Variants in DCHS2 observed in about 807,000 individuals in gnomAD.
DCHS2 encodes protocadherin-23.
A neutral mutation model predicts 182.4 loss-of-function variants in DCHS2; 142 were observed. That is an observed-to-expected ratio of 0.78 (90% CI 0.68 to 0.89). The LOEUF (loss-of-function observed/expected upper bound fraction) is 0.89, where lower values mean the gene tolerates loss of function less well. DCHS2 is among the 40% of genes least tolerant of loss of function. The pLI, the probability that DCHS2 is intolerant of heterozygous loss-of-function variation, is 0.00. For missense variants in DCHS2, 4,319 were observed against 4,198.6 expected (o/e 1.03, Z -0.79); for synonymous variants, 1,740 against 1,663.3 (o/e 1.05, Z -1.12).
At chr4:154,304,900 G>T (rs1735383879) in intron 11 of DCHS2, 22 bp from the exon 12 acceptor site, 3 of 1,585,878 alleles carry the variant, frequency 1.9e-6, no homozygotes, top group Non-Finnish European at 2.6e-6. Flanking sequence ...CACAAAGACG[G>T]TATGAATTGT....
At chr4:154,241,272 C>T (rs968260091) in intron 17 of DCHS2, among the ~76,000 whole-genome samples, 1 of 151,962 alleles carries the variant, frequency 6.6e-6, no homozygotes, top group Non-Finnish European at 1.5e-5. Flanking sequence ...CACTAATGTC[C>T]GAATTAGATA....
Position 154,255,605 on chromosome 4 carries a change from G to A in DCHS2, c.6855C>T (p.Asn2285=), listed in dbSNP as rs1326873205. The A allele has an allele frequency of 2.5e-6, 4 of 1,613,952 alleles. No individual in the cohort carries two copies. Among genetic ancestry groups the A allele is most frequent in the Non-Finnish European group, 3.4e-6 (4 of 1,179,972 alleles). ...GLIEYSILSG[N]QEEAFQIDAL... is the part of the protein sequence containing the mutation. ...CATCAATCTGGAATGCTTCTTCTTGGTTGCCAGACAGAATAGAATACTCAA... is the reference window on the plus strand; with the variant it reads ...CATCAATCTGGAATGCTTCTTCTTGATTGCCAGACAGAATAGAATACTCAA... The change falls in exon 16 of 20, where the codon AAC becomes AAT. Residue 2285 remains asparagine (N), a synonymous_variant. Coordinates refer to ENST00000357232, the MANE Select transcript of DCHS2 (RefSeq NM_001358235.2).
chr4:154,333,709 C>G, intron 4 of DCHS2: 1 of 593,668 alleles, frequency 1.7e-6, no homozygotes, highest in Non-Finnish European at 3.0e-6. Context: ...TGGGGTACAA[C>G]TGCCTACAGT....
At position 154,490,165 on chromosome 4, in the gene DCHS2, C is replaced by T; in HGVS notation, c.1191G>A (p.Val397=). 6.5e-7 allele frequency: 1 copy of T among 1,549,506 alleles called. No individual in the cohort carries two copies. The highest frequency in any genetic ancestry group is 8.7e-7 in the Non-Finnish European group (1 of 1,146,568). The change falls in exon 1 of 20, where the codon GTG becomes GTA. Residue 397 remains valine, a synonymous_variant. Coordinates refer to ENST00000357232, the MANE Select transcript of DCHS2 (RefSeq NM_001358235.2). The part of the protein sequence containing the change: ...DGGAEPEVAT[V]RVSIAVLDVN... ...CGTCCAGCACGGCGATGGACACGCG[C>T]ACCGTGGCAACCTCAGGCTCGGCGC...
chr4:154,438,611 T>G (rs1733876960), intron 1 of DCHS2, among the ~76,000 whole-genome samples: 1 of 152,196 alleles, frequency 6.6e-6, no homozygotes, highest in African/African-American at 2.4e-5. Context: ...ATTGAATCAT[T>G]CAATTCACGA....
At chr4:154,304,062 C>T (rs1223490215) in intron 12 of DCHS2, among the ~76,000 whole-genome samples, 1 of 150,976 alleles carries the variant, frequency 6.6e-6, no homozygotes, top group Non-Finnish European at 1.5e-5. Flanking sequence ...TATTACTTTA[C>T]TTTTAAAAAC....
At chr4:154,433,266 G>C (rs914944976) in intron 1 of DCHS2, among the ~76,000 whole-genome samples, 1 of 152,112 alleles carries the variant, frequency 6.6e-6, no homozygotes, top group Admixed American at 6.6e-5. Flanking sequence ...GTCCCCAGAA[G>C]CTTGGAGGAA....
intron 1 of DCHS2, among the ~76,000 whole-genome samples, chr4:154,389,867 C>G (rs1481292388): frequency 6.6e-6 from 1 of 151,908 alleles, no homozygotes; most frequent in Non-Finnish European, 1.5e-5. Flanking sequence ...GCTCTCATTC[C>G]AGAGCTCCTC....
chr4:154,246,504 T>C (rs1028241080), intron 16 of DCHS2, among the ~76,000 whole-genome samples: 2 of 152,136 alleles, frequency 1.3e-5, no homozygotes, highest in Non-Finnish European at 2.9e-5. Context: ...GCCTCACTTA[T>C]ATCTAAGAAT....
intron 13 of DCHS2, among the ~76,000 whole-genome samples, chr4:154,297,361 C>T (rs1305511895): frequency 1.3e-5 from 2 of 152,202 alleles, no homozygotes; most frequent in Non-Finnish European, 2.9e-5. Context: ...GACATGTACA[C>T]CTACCTGGAT....
At chr4:154,429,857 T>G (rs1420980832) in intron 1 of DCHS2, among the ~76,000 whole-genome samples, 1 of 152,178 alleles carries the variant, frequency 6.6e-6, no homozygotes, top group Non-Finnish European at 1.5e-5. Flanking sequence ...CTAGCTCTCC[T>G]CCTTACTAGC....
At chr4:154,417,249 G>GAGAGAGAT (rs1180167222) in intron 1 of DCHS2, among the ~76,000 whole-genome samples, 2 of 142,586 alleles carry the variant, frequency 1.4e-5, no homozygotes, top group Non-Finnish European at 3.1e-5. Flanking sequence ...GAGAGAGAGA[G>GAGAGAGAT]AGACCAGTCA....
chr4:154,386,053 A>G (rs1185154503), intron 1 of DCHS2, among the ~76,000 whole-genome samples: 2 of 151,218 alleles, frequency 1.3e-5, no homozygotes, highest in African/African-American at 4.9e-5. Flanking sequence ...ACCCCACTCC[A>G]CCCCACAGTC....
rs1730958667 is a variant in DCHS2 at position 154,377,412 on chromosome 4, A to T, written c.2085T>A (p.Tyr695Ter). The T allele has an allele frequency of 6.2e-7, 1 of 1,613,242 alleles. No individual in the cohort carries two copies. Among genetic ancestry groups the T allele is most frequent in the Non-Finnish European group, 8.5e-7 (1 of 1,179,564 alleles). Residue 695 changes from tyrosine (Y) to a stop codon, truncating the protein, a stop_gained, in exon 2 of 20, where the codon TAT becomes TAA. Transcript: ENST00000357232. LOFTEE classifies it high-confidence loss of function. ...CATAAAGAGAATATTCAATAAAGCC[A>T]TAGAGTCCTGAATCTGCATCAGAGG... ...VTASDADSGL[Y>*]GFIEYSLYDG... is the part of the protein sequence containing the mutation.
At chr4:154,455,022 T>C (rs1193007723) in intron 1 of DCHS2, among the ~76,000 whole-genome samples, 1 of 152,232 alleles carries the variant, frequency 6.6e-6, no homozygotes, top group Non-Finnish European at 1.5e-5. Context: ...GCTAAAGAAC[T>C]GTGTGAAGAC....
chr4:154,424,562 A>C (rs1435335017), intron 1 of DCHS2, among the ~76,000 whole-genome samples: 1 of 152,230 alleles, frequency 6.6e-6, no homozygotes, highest in Non-Finnish European at 1.5e-5. Context: ...TCAGGCAGAC[A>C]TTAAATTGAA....
intron 16 of DCHS2, among the ~76,000 whole-genome samples, chr4:154,249,219 A>G (rs1732229424): frequency 6.6e-6 from 1 of 152,212 alleles, no homozygotes. Context: ...AGAATCTACA[A>G]GGAACTTAAA....
rs749279867 is a variant in DCHS2, at chr4:154,236,084, G to A, written c.8568C>T (p.Asp2856=). 20 of 1,613,558 alleles carry A rather than the reference G, an allele frequency of 1.2e-5. No homozygotes were observed. The highest frequency in any genetic ancestry group is 1.1e-4 in the East Asian group (5 of 44,862). The change falls in exon 20 of 20, where the codon GAC becomes GAT. Residue 2856 remains aspartate, a synonymous_variant. Coordinates refer to ENST00000357232, the MANE Select transcript of DCHS2 (RefSeq NM_001358235.2). The part of the protein sequence containing the change: ...NKYCLTVQAK[D]KGDATASLVV... Reference sequence around the variant, plus strand: ...CTAAGGAGGCAGTTGCATCACCTTTGTCTTTGGCTTGGACTGTGAGGCAGT... The same window carrying A: ...CTAAGGAGGCAGTTGCATCACCTTTATCTTTGGCTTGGACTGTGAGGCAGT...
At chr4:154,460,718 T>A (rs1734977762) in intron 1 of DCHS2, among the ~76,000 whole-genome samples, 1 of 152,166 alleles carries the variant, frequency 6.6e-6, no homozygotes, top group Non-Finnish European at 1.5e-5. Flanking sequence ...TAAAGTTAAA[T>A]GGTATTGCCT....
Sources: allele counts gnomAD v4.1 joint callset (sites outside exome capture counted in the v4.1 genomes callset), GRCh38; gene constraint gnomAD v4.1.1; transcripts MANE v1.5; gene names NCBI Gene and HGNC (gene_info 2026-07-23, HGNC 2026-07-21).